Variants in TASP1 observed in about 807,000 individuals in gnomAD.
TASP1 encodes the protein threonine aspartase 1.
In TASP1, 16 loss-of-function variants were observed where a neutral mutation model predicts 56.6. The observed-to-expected ratio is 0.28, with a 90% confidence interval of 0.19 to 0.43. The LOEUF is 0.43. Ranked by LOEUF, TASP1 falls within the 20% of genes least tolerant of loss-of-function variation. TASP1 has a pLI of 1.00. For synonymous variants in TASP1, 179 were observed against 184.2 expected (o/e 0.97, Z 0.23); for missense variants, 393 against 511.6 (o/e 0.77, Z 2.24).
chr20:13,559,662 T>C (rs2046276513), intron 7 of TASP1, among the ~76,000 whole-genome samples: 1 of 152,188 alleles, frequency 6.6e-6, no homozygotes, highest in African/African-American at 2.4e-5. Flanking sequence ...TCAGGACTAA[T>C]GCGGGCATTT....
At chr20:13,357,992 G>A in the TASP1 span, among the ~76,000 whole-genome samples, 104 of 152,176 alleles carry the variant, frequency 6.8e-4, no homozygotes, top group Middle Eastern at 3.4e-3. Flanking sequence ...AGGCCCTGCC[G>A]CACCTTAACT....
intron 5 of TASP1, among the ~76,000 whole-genome samples, chr20:13,586,273 A>T (rs1353255915): frequency 6.6e-6 from 1 of 152,180 alleles, no homozygotes; most frequent in Non-Finnish European, 1.5e-5. Flanking sequence ...AAAAAGCTAG[A>T]AATTTCATAT....
At chr20:13,609,293 G>A (rs2048266387) in intron 4 of TASP1, among the ~76,000 whole-genome samples, 2 of 152,156 alleles carry the variant, frequency 1.3e-5, no homozygotes, top group African/African-American at 4.8e-5. Flanking sequence ...AAAATAGTAA[G>A]TGCTAACAAA....
At chr20:13,446,824 A>G (rs75990660) in intron 11 of TASP1, among the ~76,000 whole-genome samples, 2,581 of 152,284 alleles carry the variant, frequency 0.017, 81 homozygotes, top group African/African-American at 0.057. Flanking sequence ...AAATTCAACA[A>G]TATAACTCAG....
At chr20:13,126,619 CG>C in the TASP1 span, 1 of 1,613,916 alleles carries the variant, frequency 6.2e-7, no homozygotes, top group Non-Finnish European at 8.5e-7. Flanking sequence ...CGGGTTCACT[CG>C]CATAGTGCTG....
Position 13,606,624 on chromosome 20 carries a change from G to A in TASP1, c.282+16822C>T, listed in dbSNP as rs1014564867. Among the ~76,000 whole-genome samples the A allele has an allele frequency of 3.0e-4, 45 of 151,914 alleles. 1 individual carries two copies. Among genetic ancestry groups the A allele is most frequent in the Admixed American group, 3.9e-4 (6 of 15,236 alleles). ...AGATCGAGACCATCCTGACTAACAC[G>A]GTGAAACCCCGTATCTACTAAAAAT... On this transcript the variant is annotated intron_variant, in intron 4 of 13. Coordinates refer to ENST00000337743, the MANE Select transcript of TASP1 (RefSeq NM_017714.3).
chr20:13,378,420 T>G, the TASP1 span, among the ~76,000 whole-genome samples: 2 of 152,190 alleles, frequency 1.3e-5, no homozygotes, highest in African/African-American at 4.8e-5. Context: ...CTAATTTGAT[T>G]GTACTGTGGT....
chr20:13,181,010 C>A, the TASP1 span, among the ~76,000 whole-genome samples: 1 of 152,280 alleles, frequency 6.6e-6, no homozygotes, highest in East Asian at 1.9e-4. Context: ...ATCCTCTTAG[C>A]CCACCTTGGA....
the TASP1 span, among the ~76,000 whole-genome samples, chr20:13,261,155 C>T: frequency 5.9e-5 from 9 of 152,070 alleles, no homozygotes; most frequent in Non-Finnish European, 8.8e-5. Flanking sequence ...GGCTCATGCC[C>T]GTAATCCCAG....
At chr20:13,606,498 C>A (rs1333628962) in intron 4 of TASP1, among the ~76,000 whole-genome samples, 1 of 152,118 alleles carries the variant, frequency 6.6e-6, no homozygotes, top group African/African-American at 2.4e-5. Flanking sequence ...GAATGTAAGA[C>A]CCTTAAATAT....
the TASP1 span, chr20:13,292,315 G>A: frequency 9.9e-7 from 1 of 1,008,756 alleles, no homozygotes; most frequent in South Asian, 1.4e-5. Flanking sequence ...TATTGTTGGG[G>A]TGGGGGAGAT....
intron 10 of TASP1, among the ~76,000 whole-genome samples, chr20:13,518,777 C>T (rs2044628838): frequency 6.6e-6 from 1 of 152,008 alleles, no homozygotes; most frequent in Non-Finnish European, 1.5e-5. Context: ...AAGAAAATAG[C>T]CAAGAGCTAA....
chr20:13,612,035 C>A (rs1434594823), intron 4 of TASP1, among the ~76,000 whole-genome samples: 2 of 152,172 alleles, frequency 1.3e-5, no homozygotes, highest in African/African-American at 4.8e-5. Context: ...TTCAGTTTTC[C>A]ATACAATACA....
intron 10 of TASP1, among the ~76,000 whole-genome samples, chr20:13,510,069 T>A (rs1350427148): frequency 6.6e-6 from 1 of 152,116 alleles, no homozygotes; most frequent in African/African-American, 2.4e-5. Flanking sequence ...CGTGTACCCC[T>A]GAACCTAAAA....
chr20:13,160,118 G>A, the TASP1 span: 1 of 1,613,856 alleles, frequency 6.2e-7, no homozygotes, highest in South Asian at 1.1e-5. Flanking sequence ...ACATACCCGG[G>A]AGATGTTAGA....
the TASP1 span, among the ~76,000 whole-genome samples, chr20:13,346,819 C>A: frequency 6.6e-6 from 1 of 152,204 alleles, no homozygotes; most frequent in African/African-American, 2.4e-5. Flanking sequence ...TAATTTGGGG[C>A]CCCTTTCCAG....
chr20:13,215,143 T>A, the TASP1 span, among the ~76,000 whole-genome samples: 1 of 152,208 alleles, frequency 6.6e-6, no homozygotes, highest in Non-Finnish European at 1.5e-5. Flanking sequence ...ACAAAGCACG[T>A]TGGTCTTGGA....
intron 1 of TASP1, among the ~76,000 whole-genome samples, chr20:13,633,639 A>C (rs1479312496): frequency 6.6e-6 from 1 of 152,174 alleles, no homozygotes; most frequent in African/African-American, 2.4e-5. Context: ...CTTATCATCA[A>C]ATATCTGTGA....
At chr20:13,310,977 T>C in the TASP1 span, among the ~76,000 whole-genome samples, 1 of 152,198 alleles carries the variant, frequency 6.6e-6, no homozygotes, top group East Asian at 1.9e-4. Context: ...GTGGATCACC[T>C]GAGGTCAGGA....
Sources: gnomAD v4.1 joint callset for allele counts (sites outside exome capture counted in the v4.1 genomes callset) on GRCh38, gnomAD v4.1.1 for gene constraint, MANE v1.5 for transcripts, NCBI Gene and HGNC (gene_info 2026-07-23, HGNC 2026-07-21) for gene names.